Variants in DHX58 observed in about 807,000 individuals in gnomAD.
DHX58 encodes the protein ATP-dependent RNA helicase DHX58.
In DHX58, 51 loss-of-function variants were observed where a neutral mutation model predicts 65.0. The observed-to-expected ratio is 0.78, with a 90% CI of 0.63 to 0.99. The LOEUF (loss-of-function observed/expected upper bound fraction) is 0.99. DHX58 is among the 50% of genes least tolerant of loss of function. The probability of loss-of-function intolerance (pLI) is 0.00; values close to 1 mark genes in which losing one functional copy is unlikely to be tolerated. For missense variants in DHX58, 773 were observed against 891.8 expected, an observed-to-expected ratio of 0.87 and a Z score of 1.70; for synonymous variants, 350 against 365.0, an observed-to-expected ratio of 0.96 and a Z score of 0.47.
chr17:42,112,070 G>T, intron 2 of DHX58, 43 bp downstream of exon 2: 1 of 757,784 alleles, frequency 1.3e-6, no homozygotes, highest in Non-Finnish European at 2.0e-6. Context: ...GGAGGCGGGA[G>T]TAACACAGGC....
chr17:42,104,645 G>A lies in DHX58; in HGVS notation c.1563+121C>T, dbSNP rs1285632874. On this transcript the variant is annotated intron_variant, in intron 11 of 13. Coordinates refer to ENST00000251642, the MANE Select transcript of DHX58 (RefSeq NM_024119.3). ...CCCTTATTTAAACCTTCCCTAGGTGGCCAAAGTTAGCCCCGAGATGTAGAG... is the reference window on the plus strand; with the variant it reads ...CCCTTATTTAAACCTTCCCTAGGTGACCAAAGTTAGCCCCGAGATGTAGAG... 2.9e-6 allele frequency: 4 copies of A among 1,375,254 alleles called. No individual in the cohort carries two copies. In the African/African-American group the frequency reaches 5.8e-5, roughly 20 times the overall value. The allele number at this position is 1,375,254 out of a possible 1,614,324, so 85.2% of individuals were successfully genotyped here.
At chr17:42,106,192 A>G (rs1392372094) in intron 8 of DHX58, among the ~76,000 whole-genome samples, 20 of 150,402 alleles carry the variant, frequency 1.3e-4, no homozygotes, top group Non-Finnish European at 2.5e-4. Flanking sequence ...AAGCAAGAGA[A>G]AGAGAGAGAG....
intron 6 of DHX58, among the ~76,000 whole-genome samples, 157 bp downstream of exon 6, chr17:42,109,113 G>A (rs1368971961): frequency 6.6e-6 from 1 of 152,250 alleles, no homozygotes; most frequent in African/African-American, 2.4e-5. Context: ...GGCATGGGCT[G>A]TATCTGCCCC....
chr17:42,111,721 T>A lies in DHX58; in HGVS notation c.168+4A>T. ...GGAGAGCGGGGTAGGGACAGACCAC[T>A]CACCCTGTTGACCAATACAACCACC... is the stretch of plus-strand genomic sequence containing the variant. On this transcript the variant is annotated splice_donor_region_variant and intron_variant, in intron 3 of 13. Coordinates refer to ENST00000251642, the MANE Select transcript of DHX58 (RefSeq NM_024119.3). The A allele has an allele frequency of 8.7e-6, 14 of 1,607,380 alleles. No homozygotes were observed. Among genetic ancestry groups the A allele is most frequent in the Non-Finnish European group, 1.2e-5 (14 of 1,175,000 alleles).
intron 8 of DHX58, among the ~76,000 whole-genome samples, chr17:42,107,265 C>T (rs1555662882): frequency 1.3e-5 from 2 of 151,420 alleles, no homozygotes; most frequent in African/African-American, 4.9e-5. Flanking sequence ...ACTTGGGAAG[C>T]TGAAGGGTGA....
intron 5 of DHX58, 97 bp from the exon 6 acceptor site, chr17:42,109,483 T>G: frequency 1.0e-6 from 1 of 1,003,500 alleles, no homozygotes; most frequent in Admixed American, 2.3e-5. Context: ...GACAGGAGAA[T>G]GTGGGCATTC....
chr17:42,107,707 G>A lies in DHX58; in HGVS notation c.894C>T (p.Arg298=). The change falls in exon 8 of 14, where the codon CGC becomes CGT. Residue 298 remains arginine (R), a synonymous_variant. Coordinates refer to ENST00000251642, the MANE Select transcript of DHX58 (RefSeq NM_024119.3). The part of the protein sequence containing the change: ...NDALLIHDTV[R]AVDALAALQD... ...GCAGCGCAGCCAAGGCATCCACGGC[G>A]CGGACGGTGTCATGGATGAGCAGCG... 1 of 1,611,454 alleles carries A rather than the reference G, an allele frequency of 6.2e-7. No individual in the cohort carries two copies. Among genetic ancestry groups the A allele is most frequent in the Non-Finnish European group, 8.5e-7 (1 of 1,178,810 alleles).
At chr17:42,112,347 G>A (rs1568007411) in intron 1 of DHX58, 142 bp from the exon 2 acceptor site, 3 of 235,486 alleles carry the variant, frequency 1.3e-5, no homozygotes, top group African/African-American at 4.6e-5. Context: ...CTGCTGCTGC[G>A]CCAGCGCCCT....
In DHX58 at chr17:42,104,896, A is replaced by G; in HGVS notation, c.1433T>C (p.Val478Ala). ...ACCTTCAGTTGCTACAAACGCGTAT[A>G]CACTCTGATCGGCCCGGGCACGGCC... ...ARGRARADQSVYAFVATEGSR... is the reference protein window; with the variant it reads ...ARGRARADQSAYAFVATEGSR... The change falls in exon 11 of 14, where the codon GTA becomes GCA. Residue 478 changes from valine to alanine, a missense_variant. Physicochemically the swap from Val to Ala is moderately conservative, Grantham distance 64 (BLOSUM62 0). Coordinates refer to ENST00000251642, the MANE Select transcript of DHX58 (RefSeq NM_024119.3). 1 of 1,614,096 alleles carries G rather than the reference A, an allele frequency of 6.2e-7. No homozygotes were observed. Among genetic ancestry groups the G allele is most frequent in the South Asian group, 1.1e-5 (1 of 91,076 alleles).
Position 42,111,324 on chromosome 17 carries a change from G to T in DHX58, c.342C>A (p.Pro114=). The stretch of plus-strand genomic sequence containing the variant: ...TGAGCTCCACGTGCTCCTCCTCCTC[G>T]GGGCTGGTCAGTGCCATCTGCAGAA... ...AELLQMALTS[P]EEEEHVELTV... The change falls in exon 4 of 14, where the codon CCC becomes CCA. Residue 114 remains proline, a synonymous_variant. Coordinates refer to ENST00000251642, the MANE Select transcript of DHX58 (RefSeq NM_024119.3). The T allele has an allele frequency of 1.2e-6, 2 of 1,613,604 alleles. No homozygotes were observed. Among genetic ancestry groups the T allele is most frequent in the Non-Finnish European group, 8.5e-7 (1 of 1,179,582 alleles).
chr17:42,105,288 A>AAG, intron 9 of DHX58, 121 bp from the exon 10 acceptor site: 2 of 1,286,002 alleles, frequency 1.6e-6, no homozygotes, highest in South Asian at 3.1e-5. Context: ...CCATCTCCCT[A>AAG]GAGTACTTGA....
intron 10 of DHX58, 26 bp downstream of exon 10, chr17:42,104,992 G>A (rs374840469): frequency 4.7e-5 from 76 of 1,612,208 alleles, no homozygotes; most frequent in African/African-American, 1.6e-4. Flanking sequence ...CTATAAGGGC[G>A]GCTGAGTGGA....
chr17:42,101,465 G>A lies in DHX58; in HGVS notation c.*296C>T, dbSNP rs1474365159. On this transcript the variant is annotated 3_prime_UTR_variant, in exon 14 of 14. Transcript: ENST00000251642. ...GCCTCAAAAAATAGAAGTGGCCTTG[G>A]TAGGGAAGGAATGTCGTGATTCTGA... 3.4e-6 allele frequency: 1 copy of A among 293,430 alleles called. No individual in the cohort carries two copies. Among genetic ancestry groups the A allele is most frequent in the African/African-American group, 2.2e-5 (1 of 46,216 alleles). 18.2% of individuals were successfully genotyped at this position (293,430 alleles called of 1,614,324 possible).
chr17:42,103,575 C>T (rs1170680280), intron 12 of DHX58, 33 bp downstream of exon 12: 2 of 1,610,868 alleles, frequency 1.2e-6, no homozygotes, highest in Non-Finnish European at 1.7e-6. Flanking sequence ...ATTCCCAGGC[C>T]CCCATCCCAG....
chr17:42,107,684 A>G lies in DHX58; in HGVS notation c.917T>C (p.Leu306Pro). 1 of 1,612,908 alleles carries G rather than the reference A, an allele frequency of 6.2e-7. No individual in the cohort carries two copies. The highest frequency in any genetic ancestry group is 8.5e-7 in the Non-Finnish European group (1 of 1,179,584). The change falls in exon 8 of 14, where the codon CTG becomes CCG. Residue 306 changes from leucine (L) to proline (P), a missense_variant. By Grantham distance (98) the Leu-to-Pro change is moderately conservative. Coordinates refer to ENST00000251642, the MANE Select transcript of DHX58 (RefSeq NM_024119.3). Reference protein sequence around the residue: ...TVRAVDALAALQDFYHREHVT... With the variant: ...TVRAVDALAAPQDFYHREHVT... ...GTGCTCCCTGTGATAGAAATCCTGC[A>G]GCGCAGCCAAGGCATCCACGGCGCG...
Position 42,111,448 on chromosome 17 carries a change from C to T in DHX58, c.218G>A (p.Gly73Glu), listed in dbSNP as rs782417562. ...ACTCAGGGTTGTCACGGTCCAGCGT[C>T]CATCCAGCATGCGCCTGAACTCTTC... ...HGEEFRRMLD[G>E]RWTVTTLSGD... Residue 73 changes from glycine (G) to glutamate (E), a missense_variant, in exon 4 of 14, where the codon GGA becomes GAA. Transcript: ENST00000251642. The T allele has an allele frequency of 3.1e-6, 5 of 1,614,054 alleles. No homozygotes were observed. The African/African-American group carries it at 5.3e-5, about 17-fold the overall frequency.
At chr17:42,104,396 G>A (rs1209398633) in intron 11 of DHX58, among the ~76,000 whole-genome samples, 2 of 152,216 alleles carry the variant, frequency 1.3e-5, no homozygotes, top group African/African-American at 2.4e-5. Context: ...GGATGGTGGT[G>A]GCCCTGCCTC....
chr17:42,105,201 G>A (rs1382088149), intron 9 of DHX58, 34 bp from the exon 10 acceptor site: 4 of 1,574,516 alleles, frequency 2.5e-6, no homozygotes, highest in Non-Finnish European at 2.6e-6. Context: ...GAAAGAGGCT[G>A]GTACATGAGG....
intron 5 of DHX58, among the ~76,000 whole-genome samples, chr17:42,109,903 A>AG (rs34813308): frequency 6.6e-6 from 1 of 150,586 alleles, no homozygotes; most frequent in African/African-American, 2.5e-5. Flanking sequence ...AAAAAAAAAA[A>AG]GAGGCTGGGC....
Sources: allele counts gnomAD v4.1 joint callset (sites outside exome capture counted in the v4.1 genomes callset), GRCh38; gene constraint gnomAD v4.1.1; transcripts MANE v1.5; gene names NCBI Gene and HGNC (gene_info 2026-07-23, HGNC 2026-07-21).